FAT3: variants seen among roughly 807,000 people sequenced by gnomAD.
FAT3 encodes the protein protocadherin Fat 3.
Under a neutral mutation model 310.2 loss-of-function variants are expected in FAT3, and 95 were observed. The observed-to-expected ratio is 0.31, with a 90% CI of 0.26 to 0.36. The LOEUF (loss-of-function observed/expected upper bound fraction) is 0.36, where lower values mean the gene tolerates loss of function less well. Among genes scored for constraint, FAT3 ranks in the 10% least tolerant of loss-of-function variants. The pLI is 1.00. For synonymous variants in FAT3, 2,314 were observed against 2,192.9 expected, an observed-to-expected ratio of 1.06 and a Z score of -1.54; for missense variants, 5,408 against 5,715.6, an observed-to-expected ratio of 0.95 and a Z score of 1.74.
intron 3 of FAT3, among the ~76,000 whole-genome samples, chr11:92,571,640 C>T (rs1392780699): frequency 2.6e-5 from 4 of 152,228 alleles, no homozygotes; most frequent in East Asian, 1.9e-4. Context: ...TACTCACTTA[C>T]GTGTCTTTTG....
intron 4 of FAT3, among the ~76,000 whole-genome samples, chr11:92,710,491 A>G (rs1944487486): frequency 6.6e-6 from 1 of 152,208 alleles, no homozygotes; most frequent in Admixed American, 6.5e-5. Context: ...TTAAAGCAAT[A>G]TTACAGCCTT....
rs765278070 is a variant in FAT3 at position 92,889,903 on chromosome 11, G to A, written c.13147+12G>A. 208 of 718,036 alleles carry A rather than the reference G, an allele frequency of 2.9e-4. 2 individuals are homozygous for A. Among genetic ancestry groups the A allele is most frequent in the South Asian group, 6.8e-4 (46 of 67,594 alleles). The allele number at this position is 718,036 out of a possible 1,614,324, so 44.5% of individuals were successfully genotyped here. ...GAACTACAACCGAGGTGACTGTGCC[G>A]CAACCCTAGCATAACTTTTTGTGTG... On this transcript the variant is annotated intron_variant, in intron 27 of 27. Coordinates refer to ENST00000525166, the MANE Select transcript of FAT3 (RefSeq NM_001367949.2).
intron 2 of FAT3, among the ~76,000 whole-genome samples, chr11:92,378,859 T>C (rs926084623): frequency 6.6e-6 from 1 of 152,172 alleles, no homozygotes; most frequent in African/African-American, 2.4e-5. Flanking sequence ...TGTTTTTACA[T>C]GGTGGAAGGG....
At chr11:92,373,809 C>CACACAG (rs1949264065) in intron 2 of FAT3, among the ~76,000 whole-genome samples, 1 of 133,530 alleles carries the variant, frequency 7.5e-6, no homozygotes, top group Admixed American at 7.4e-5. Context: ...CACACACACA[C>CACACAG]AGAGACATAG....
intron 2 of FAT3, among the ~76,000 whole-genome samples, chr11:92,497,690 A>G (rs930066836): frequency 1.3e-5 from 2 of 152,052 alleles, no homozygotes; most frequent in South Asian, 2.1e-4. Context: ...CTATCTATCA[A>G]TAGGACAAGG....
At chr11:92,392,522 T>C (rs549577046) in intron 2 of FAT3, among the ~76,000 whole-genome samples, 1 of 152,208 alleles carries the variant, frequency 6.6e-6, no homozygotes, top group Non-Finnish European at 1.5e-5. Context: ...TGTCTCTTGC[T>C]CTCTACCCCT....
At chr11:92,417,027 G>T (rs998002981) in intron 2 of FAT3, among the ~76,000 whole-genome samples, 1 of 152,178 alleles carries the variant, frequency 6.6e-6, no homozygotes, top group South Asian at 2.1e-4. Flanking sequence ...CAGAGTAGAA[G>T]AATAAAGGAT....
intron 1 of FAT3, among the ~76,000 whole-genome samples, chr11:92,284,045 A>G (rs1056339011): frequency 3.9e-5 from 6 of 152,078 alleles, no homozygotes; most frequent in African/African-American, 1.2e-4. Flanking sequence ...AATTATATTC[A>G]TTTATTTCTA....
chr11:92,798,498 A>G lies in FAT3; in HGVS notation c.5485A>G (p.Ser1829Gly). The change falls in exon 10 of 28, where the codon AGT becomes GGT. Residue 1829 changes from serine (S) to glycine (G), a missense_variant. This residue lies in a region of FAT3 where 4,588 missense variants were observed against 4,809.8 expected (regional missense o/e 0.95). Coordinates refer to ENST00000525166, the MANE Select transcript of FAT3 (RefSeq NM_001367949.2). ...AAAAAAGTTTTTCACGGTGGACTCC[A>G]GTACAGGTGCAATCAGAACAATTGC... ...TAKKFFTVDSSTGAIRTIANL... is the reference protein window; with the variant it reads ...TAKKFFTVDSGTGAIRTIANL... 3 of 1,613,824 alleles carry G rather than the reference A, an allele frequency of 1.9e-6. No homozygotes were observed. The highest frequency in any genetic ancestry group is 2.2e-5 in the East Asian group (1 of 44,810).
chr11:92,669,992 G>A (rs1275824149), intron 3 of FAT3, among the ~76,000 whole-genome samples: 1 of 152,200 alleles, frequency 6.6e-6, no homozygotes, highest in African/African-American at 2.4e-5. Flanking sequence ...CTTCAGAGAA[G>A]CCATTTAACC....
rs143608966 is a variant in FAT3, at chr11:92,452,385, A to G, written c.3293-72249A>G. Reference sequence around the variant, plus strand: ...TTTACAGTAATTTTAGATAACTTCAAGGAAATGATCTGGTAATCCAGCAGC... The same window carrying G: ...TTTACAGTAATTTTAGATAACTTCAGGGAAATGATCTGGTAATCCAGCAGC... On this transcript the variant is annotated intron_variant, in intron 2 of 27. Coordinates refer to ENST00000525166, the MANE Select transcript of FAT3 (RefSeq NM_001367949.2). Among the ~76,000 whole-genome samples the G allele has an allele frequency of 4.7e-3, 716 of 152,298 alleles. 4 individuals carry two copies. Among genetic ancestry groups the G allele is most frequent in the African/African-American group, 0.016 (666 of 41,568 alleles).
chr11:92,871,907 G>A (rs774247857), intron 22 of FAT3, among the ~76,000 whole-genome samples: 90 of 152,106 alleles, frequency 5.9e-4, no homozygotes, highest in Non-Finnish European at 8.7e-4. Flanking sequence ...TGGATTCCAG[G>A]AAAGGTAAAC....
intron 1 of FAT3, among the ~76,000 whole-genome samples, chr11:92,296,515 T>G (rs1006789168): frequency 2.4e-4 from 36 of 152,116 alleles, no homozygotes; most frequent in African/African-American, 7.5e-4. Flanking sequence ...ATGGGGCCAC[T>G]GCTGGTCATC....
intron 3 of FAT3, among the ~76,000 whole-genome samples, chr11:92,557,732 T>C (rs1955072207): frequency 6.6e-6 from 1 of 152,200 alleles, no homozygotes; most frequent in Admixed American, 6.5e-5. Flanking sequence ...TGATAAAACT[T>C]GCACTTTTGT....
intron 1 of FAT3, among the ~76,000 whole-genome samples, chr11:92,282,750 C>T (rs74926726): frequency 0.022 from 3,367 of 151,822 alleles, 127 homozygotes; most frequent in African/African-American, 0.075. Flanking sequence ...CCTAAGTGTA[C>T]GAAACATCTT....
intron 2 of FAT3, among the ~76,000 whole-genome samples, chr11:92,382,861 C>T (rs144688140): frequency 1.3e-5 from 2 of 152,200 alleles, no homozygotes; most frequent in Non-Finnish European, 1.5e-5. Flanking sequence ...TTCATGGGTA[C>T]ATGTGTGGGA....
chr11:92,453,232 A>G (rs1327528892), intron 2 of FAT3, among the ~76,000 whole-genome samples: 1 of 152,208 alleles, frequency 6.6e-6, no homozygotes, highest in Admixed American at 6.5e-5. Context: ...TGAATGAGTC[A>G]TAGCAAGACA....
rs570966152 is a variant in FAT3 at position 92,468,888 on chromosome 11, G to T, written c.3293-55746G>T. Among the ~76,000 whole-genome samples, 324 of 152,202 alleles carry T rather than the reference G, an allele frequency of 2.1e-3. 2 individuals are homozygous for T. The highest frequency in any genetic ancestry group is 3.9e-3 in the Non-Finnish European group (262 of 68,008). On this transcript the variant is annotated intron_variant, in intron 2 of 27. Transcript: ENST00000525166. ...GGACACAGCCATATCATATCAGAGG[G>T]TGTGGATAATTTTAGAAGCCCTGTG... is the stretch of plus-strand genomic sequence containing the variant.
Position 92,799,618 on chromosome 11 carries a change from A to G in FAT3, c.6605A>G (p.Asn2202Ser). Residue 2202 changes from asparagine (N) to serine (S), a missense_variant, in exon 10 of 28, where the codon AAC becomes AGC. By Grantham distance (46) the Asn-to-Ser change is conservative. This residue lies in a region of FAT3 where 4,588 missense variants were observed against 4,809.8 expected (regional missense o/e 0.95). Transcript: ENST00000525166. ...TASVNEDIRM[N>S]TPILSINATS... ...TCTGTCAATGAAGACATCAGAATGA[A>G]CACACCCATCCTAAGCATCAATGCC... 6.2e-7 allele frequency: 1 copy of G among 1,613,836 alleles called. No homozygotes were observed. The highest frequency in any genetic ancestry group is 8.5e-7 in the Non-Finnish European group (1 of 1,179,834).
Sources: allele counts gnomAD v4.1 joint callset (sites outside exome capture counted in the v4.1 genomes callset), GRCh38; gene constraint gnomAD v4.1.1; regional missense constraint gnomAD v4.1.1; transcripts MANE v1.5; gene names NCBI Gene and HGNC (gene_info 2026-07-23, HGNC 2026-07-21).